The following SLC14A2 variants were observed in gnomAD, a reference collection of about 807,000 sequenced individuals.
The protein encoded by SLC14A2 is solute carrier family 14 member 2.
In SLC14A2, 91 loss-of-function variants were observed where a neutral mutation model predicts 104.6. The ratio of observed to expected loss-of-function variants is 0.87; its 90% CI spans 0.73 to 1.04. SLC14A2 has a LOEUF of 1.04. Among genes scored for constraint, SLC14A2 ranks in the 50% least tolerant of loss-of-function variants. The pLI, the probability that SLC14A2 is intolerant of heterozygous loss-of-function variation, is 0.00. For synonymous variants in SLC14A2, 476 were observed against 466.4 expected (o/e 1.02, Z -0.27); for missense variants, 1,189 against 1,156.0 (o/e 1.03, Z -0.41).
intron 1 of SLC14A2, among the ~76,000 whole-genome samples, chr18:45,256,784 G>A (rs1294507867): frequency 6.6e-6 from 1 of 152,180 alleles, no homozygotes; most frequent in African/African-American, 2.4e-5. Context: ...TTTCTTGACT[G>A]TGTTGGGAAA....
chr18:45,490,503 A>G (rs1422372032), intron 2 of SLC14A2, among the ~76,000 whole-genome samples: 4 of 152,254 alleles, frequency 2.6e-5, no homozygotes, highest in Admixed American at 2.6e-4. Context: ...ATTATCTTTT[A>G]AACTATTCAA....
chr18:45,240,128 A>C (rs1003379482), intron 1 of SLC14A2, among the ~76,000 whole-genome samples: 1 of 113,316 alleles, frequency 8.8e-6, no homozygotes, highest in Non-Finnish European at 1.7e-5. Context: ...ACCGAGTCTC[A>C]CTCTGTTGCC....
At chr18:45,605,661 T>C (rs1461092972) in intron 2 of SLC14A2, among the ~76,000 whole-genome samples, 2 of 152,168 alleles carry the variant, frequency 1.3e-5, no homozygotes, top group African/African-American at 4.8e-5. Context: ...TGGTTATTAA[T>C]TAAACTTGAC....
intron 9 of SLC14A2, among the ~76,000 whole-genome samples, 160 bp downstream of exon 9, chr18:45,643,341 G>T (rs1175212796): frequency 6.6e-6 from 1 of 152,168 alleles, no homozygotes; most frequent in Non-Finnish European, 1.5e-5. Flanking sequence ...TCCGGAGGAG[G>T]ATTGACAATT....
intron 1 of SLC14A2, among the ~76,000 whole-genome samples, chr18:45,404,214 G>C (rs1365471997): frequency 6.6e-6 from 1 of 152,064 alleles, no homozygotes; most frequent in Non-Finnish European, 1.5e-5. Context: ...TTTAGTTATG[G>C]GATAACTCAT....
At chr18:45,609,065 C>A (rs2044924505) in intron 2 of SLC14A2, among the ~76,000 whole-genome samples, 1 of 152,084 alleles carries the variant, frequency 6.6e-6, no homozygotes. Context: ...GGGAAGAAGC[C>A]CCACCAGGGA....
At chr18:45,674,913 A>G (rs1018354566) in intron 18 of SLC14A2, among the ~76,000 whole-genome samples, 10 of 152,192 alleles carry the variant, frequency 6.6e-5, no homozygotes, top group African/African-American at 2.4e-4. Context: ...TTTGCACCCC[A>G]GGTGCTTCAC....
chr18:45,257,367 G>C (rs1287246843), intron 1 of SLC14A2, among the ~76,000 whole-genome samples: 1 of 152,174 alleles, frequency 6.6e-6, no homozygotes, highest in Non-Finnish European at 1.5e-5. Context: ...GTATTTACCA[G>C]TGCATGAGAC....
At chr18:45,220,441 T>G (rs1165832574) in intron 1 of SLC14A2, among the ~76,000 whole-genome samples, 1 of 152,204 alleles carries the variant, frequency 6.6e-6, no homozygotes, top group Non-Finnish European at 1.5e-5. Flanking sequence ...GGAAAAGGTG[T>G]TTAGCAAACA....
At chr18:45,312,419 A>G (rs900927573) in intron 1 of SLC14A2, among the ~76,000 whole-genome samples, 1 of 151,970 alleles carries the variant, frequency 6.6e-6, no homozygotes, top group African/African-American at 2.4e-5. Flanking sequence ...AAATGACAGC[A>G]GCTTCGTTTT....
chr18:45,257,714 C>T (rs572504058), intron 1 of SLC14A2, among the ~76,000 whole-genome samples: 148 of 152,204 alleles, frequency 9.7e-4, no homozygotes, highest in African/African-American at 3.3e-3. Flanking sequence ...GTGTGCCCTG[C>T]GGAGAAGGTA....
At chr18:45,569,074 G>C (rs913678099) in intron 2 of SLC14A2, among the ~76,000 whole-genome samples, 1 of 152,154 alleles carries the variant, frequency 6.6e-6, no homozygotes, top group South Asian at 2.1e-4. Context: ...ATTAGGTACC[G>C]ATTCTAGCCT....
At chr18:45,679,568 A>G (rs761584366) in intron 19 of SLC14A2, among the ~76,000 whole-genome samples, 3 of 152,188 alleles carry the variant, frequency 2.0e-5, no homozygotes, top group African/African-American at 7.2e-5. Flanking sequence ...CTGGCCCCCA[A>G]CCCCAGTGCA....
At position 45,462,380 on chromosome 18, in the gene SLC14A2, C is replaced by T. The variant is rs79130484; in HGVS notation, c.-124-20853C>T. ...GTCCACGGGCCAGAGACTTGCATTC[C>T]GAGCAGGCAAGGGACTTGTACACTG... On this transcript the variant is annotated intron_variant, in intron 1 of 20. Coordinates refer to the SLC14A2 transcript ENST00000586448. 2.9e-4 allele frequency among the ~76,000 whole-genome samples: 44 copies of T among 152,254 alleles called. No homozygotes were observed. The East Asian group carries it at 6.4e-3, about 22-fold the overall frequency.
intron 1 of SLC14A2, among the ~76,000 whole-genome samples, chr18:45,460,609 A>G (rs951171453): frequency 1.3e-5 from 2 of 152,260 alleles, no homozygotes; most frequent in Non-Finnish European, 2.9e-5. Flanking sequence ...TGCTAAATAA[A>G]GGAAATATCA....
chr18:45,188,661 A>G, the SLC14A2 span, among the ~76,000 whole-genome samples: 1 of 152,142 alleles, frequency 6.6e-6, no homozygotes, highest in African/African-American at 2.4e-5. Context: ...CCTGCTCCTG[A>G]GAACTGTAAG....
intron 10 of SLC14A2, among the ~76,000 whole-genome samples, chr18:45,656,173 A>C (rs923074): frequency 0.79 from 120,882 of 152,240 alleles, 48,516 homozygotes; most frequent in Middle Eastern, 0.84. Flanking sequence ...GTCTAGAGTA[A>C]CCTCTGCAAA....
chr18:45,565,063 T>TGCAG (rs895599219), intron 2 of SLC14A2, among the ~76,000 whole-genome samples: 15 of 3,670 alleles, frequency 4.1e-3, no homozygotes, highest in Non-Finnish European at 5.8e-3. Context: ...TGTGTGTTCG[T>TGCAG]GCATGCGTTT....
chr18:45,196,661 A>G, the SLC14A2 span, among the ~76,000 whole-genome samples: 1 of 152,122 alleles, frequency 6.6e-6, no homozygotes. Flanking sequence ...CAACCCACCA[A>G]CTGTGACTTT....
Sources: allele counts gnomAD v4.1 joint callset (sites outside exome capture counted in the v4.1 genomes callset), GRCh38; gene constraint gnomAD v4.1.1; transcripts MANE v1.5; gene names NCBI Gene and HGNC (gene_info 2026-07-23, HGNC 2026-07-21).